Variants in DNM3 observed in about 807,000 individuals in gnomAD.
DNM3 encodes the protein dynamin 3, also known as dynamin-3.
In DNM3, 47 loss-of-function variants were observed where a neutral mutation model predicts 101.6. The ratio of observed to expected loss-of-function variants is 0.46; its 90% CI spans 0.37 to 0.59. The LOEUF (loss-of-function observed/expected upper bound fraction) is 0.59, where lower values mean the gene tolerates loss of function less well. Ranked by LOEUF, DNM3 falls within the 20% of genes least tolerant of loss-of-function variation. The pLI is 0.00. For synonymous variants in DNM3, 385 were observed against 387.9 expected, an observed-to-expected ratio of 0.99 and a Z score of 0.09; for missense variants, 849 against 1,085.7, an observed-to-expected ratio of 0.78 and a Z score of 3.06.
intron 17 of DNM3, among the ~76,000 whole-genome samples, chr1:172,327,728 C>T (rs1007517339): frequency 3.3e-5 from 5 of 151,982 alleles, no homozygotes; most frequent in Non-Finnish European, 7.4e-5. Flanking sequence ...TAAGGAACAC[C>T]GTCCCCCACC....
chr1:172,152,706 T>C (rs530470748), intron 14 of DNM3, among the ~76,000 whole-genome samples: 1 of 152,284 alleles, frequency 6.6e-6, no homozygotes, highest in South Asian at 2.1e-4. Flanking sequence ...GTATATCAAA[T>C]TCCCCACTTA....
intron 10 of DNM3, among the ~76,000 whole-genome samples, chr1:172,061,814 A>G (rs993739615): frequency 2.0e-5 from 3 of 152,074 alleles, no homozygotes; most frequent in South Asian, 2.1e-4. Context: ...TAACCTGCAC[A>G]GTGTTCACAT....
chr1:172,295,152 C>T (rs1557947093), intron 15 of DNM3, among the ~76,000 whole-genome samples: 1 of 152,102 alleles, frequency 6.6e-6, no homozygotes, highest in Non-Finnish European at 1.5e-5. Context: ...AAGAAGACAA[C>T]CCAAAGAAGC....
intron 10 of DNM3, among the ~76,000 whole-genome samples, chr1:172,055,699 C>T (rs960049143): frequency 1.3e-5 from 2 of 152,130 alleles, no homozygotes; most frequent in African/African-American, 4.8e-5. Flanking sequence ...ATTGATTCAG[C>T]AGGTGACGGT....
At chr1:171,987,435 C>T (rs1283034222) in intron 2 of DNM3, 1 of 673,130 alleles carries the variant, frequency 1.5e-6, no homozygotes, top group East Asian at 1.4e-4. Flanking sequence ...TATTTAATTG[C>T]TTATCTGAAA....
intron 1 of DNM3, among the ~76,000 whole-genome samples, chr1:171,896,863 G>T (rs2037855188): frequency 6.6e-6 from 1 of 152,116 alleles, no homozygotes; most frequent in African/African-American, 2.4e-5. Context: ...ATTTTAGGCA[G>T]AGTTAACAAT....
intron 18 of DNM3, among the ~76,000 whole-genome samples, chr1:172,383,245 C>G (rs1490504427): frequency 6.6e-6 from 1 of 152,144 alleles, no homozygotes; most frequent in East Asian, 1.9e-4. Context: ...TTAGTTTTGC[C>G]TGTTTTTGCA....
intron 10 of DNM3, among the ~76,000 whole-genome samples, chr1:172,059,888 A>C (rs1480576499): frequency 1.7e-4 from 16 of 94,344 alleles, no homozygotes; most frequent in African/African-American, 4.4e-5. Context: ...TTCAGTTAGG[A>C]AAAGAGGAAG....
rs1333801511 is a variant in DNM3, at chr1:172,338,166, C to T, written c.1893+14826C>T. ...TCCTGACCTGGTGATCCACCTGCCTCAGCCTCCCAAAGTGCTGGGATTACA... is the reference window on the plus strand; with the variant it reads ...TCCTGACCTGGTGATCCACCTGCCTTAGCCTCCCAAAGTGCTGGGATTACA... On this transcript the variant is annotated intron_variant, in intron 17 of 20. Coordinates refer to ENST00000627582, the MANE Select transcript of DNM3 (RefSeq NM_015569.5). Among the ~76,000 whole-genome samples, 3 of 152,068 alleles carry T rather than the reference C, an allele frequency of 2.0e-5. No homozygotes were observed. In the East Asian group the frequency reaches 5.8e-4, roughly 29 times the overall value.
intron 4 of DNM3, among the ~76,000 whole-genome samples, chr1:172,031,492 A>T (rs1273245624): frequency 6.6e-6 from 1 of 152,164 alleles, no homozygotes; most frequent in Non-Finnish European, 1.5e-5. Context: ...TAGGTGCAGC[A>T]AACCACCACG....
intron 4 of DNM3, among the ~76,000 whole-genome samples, chr1:172,000,616 C>A (rs150020656): frequency 6.6e-6 from 1 of 152,096 alleles, no homozygotes; most frequent in South Asian, 2.1e-4. Flanking sequence ...ACCTTGAACT[C>A]GGTCCAAATC....
intron 1 of DNM3, among the ~76,000 whole-genome samples, chr1:171,851,761 G>A (rs1013955251): frequency 3.3e-5 from 5 of 152,326 alleles, no homozygotes; most frequent in Admixed American, 3.3e-4. Context: ...AGTGGGCCAT[G>A]ATATCAGTTT....
chr1:171,993,766 T>C (rs1196903365), intron 4 of DNM3, among the ~76,000 whole-genome samples: 28 of 152,082 alleles, frequency 1.8e-4, no homozygotes, highest in Admixed American at 1.8e-3. Context: ...ACTTTGTTCA[T>C]GTTTCTTCAT....
rs1457020914 is a variant in DNM3 at position 172,155,153 on chromosome 1, TA to T, written c.1659+23867del. On this transcript the variant is annotated intron_variant, in intron 14 of 20. Transcript: ENST00000627582. ...CAGTTAAGATAAAATGTATTGTGAT[TA>T]ATAAAAATGTTAATATTTGAAACAT... Among the ~76,000 whole-genome samples, 3 of 152,048 alleles carry T rather than the reference TA, an allele frequency of 2.0e-5. No individual in the cohort carries two copies. In the East Asian group the frequency reaches 5.8e-4, roughly 29 times the overall value.
intron 14 of DNM3, chr1:172,132,837 A>G (rs557267029): frequency 2.7e-6 from 2 of 745,244 alleles, no homozygotes; most frequent in South Asian, 1.5e-5. Context: ...AAAATAAAAC[A>G]AAACCTTTTT....
Position 172,155,710 on chromosome 1 carries a change from C to A in DNM3, c.1659+24422C>A, listed in dbSNP as rs10911121. ...AGACGCCTGTGATGTTAGACTCTGT[C>A]CTGGAGATACTAAGGTAGAAAATAC... On this transcript the variant is annotated intron_variant, in intron 14 of 20. Coordinates refer to ENST00000627582, the MANE Select transcript of DNM3 (RefSeq NM_015569.5). 1.1e-4 allele frequency among the ~76,000 whole-genome samples: 16 copies of A among 151,970 alleles called. No individual in the cohort carries two copies. In the East Asian group the frequency reaches 3.1e-3, roughly 29 times the overall value.
At chr1:171,916,326 T>G (rs1455672547) in intron 1 of DNM3, among the ~76,000 whole-genome samples, 1 of 152,220 alleles carries the variant, frequency 6.6e-6, no homozygotes, top group Non-Finnish European at 1.5e-5. Context: ...ATCAAACAAG[T>G]TAATGCATAT....
intron 2 of DNM3, among the ~76,000 whole-genome samples, chr1:171,973,854 G>A (rs755606078): frequency 1.3e-5 from 2 of 151,854 alleles, no homozygotes; most frequent in South Asian, 2.1e-4. Context: ...TGGTAGAGAC[G>A]GGATTTCACC....
chr1:172,040,004 A>C (rs752906554), intron 7 of DNM3, among the ~76,000 whole-genome samples: 114 of 152,172 alleles, frequency 7.5e-4, no homozygotes, highest in Non-Finnish European at 1.3e-3. Flanking sequence ...AAGCAGTTAC[A>C]TGTGAGGAAG....
Sources: allele counts gnomAD v4.1 joint callset (sites outside exome capture counted in the v4.1 genomes callset), GRCh38; gene constraint gnomAD v4.1.1; transcripts MANE v1.5; gene names NCBI Gene and HGNC (gene_info 2026-07-23, HGNC 2026-07-21).